Variants in EYS observed in about 807,000 individuals in gnomAD.
EYS encodes EGF-like photoreceptor maintenance factor.
A neutral mutation model predicts 282.1 loss-of-function variants in EYS; 250 were observed. The ratio of observed to expected loss-of-function variants is 0.89; its 90% CI spans 0.80 to 0.98. The LOEUF is 0.98. EYS is among the 50% of genes least tolerant of loss of function. EYS has a pLI of 0.00. For synonymous variants in EYS, 1,355 were observed against 1,282.9 expected (o/e 1.06, Z -1.20); for missense variants, 4,016 against 3,709.0 (o/e 1.08, Z -2.15).
At chr6:65,583,734 T>G (rs1764945363) in intron 2 of EYS, among the ~76,000 whole-genome samples, 1 of 152,060 alleles carries the variant, frequency 6.6e-6, no homozygotes, top group Admixed American at 6.6e-5. Flanking sequence ...CAATTGGACC[T>G]TCCTATTATT....
intron 11 of EYS, among the ~76,000 whole-genome samples, chr6:65,334,623 TTTTG>T (rs1313107345): frequency 6.6e-6 from 1 of 151,780 alleles, no homozygotes; most frequent in Non-Finnish European, 1.5e-5. Context: ...GCATATGAGT[TTTTG>T]TTTGTTTTGT....
At chr6:64,553,840 G>T (rs140209850) in intron 26 of EYS, among the ~76,000 whole-genome samples, 51 of 152,074 alleles carry the variant, frequency 3.4e-4, no homozygotes, top group African/African-American at 1.2e-3. Context: ...TGGCAAAATA[G>T]TATCATTTTC....
intron 12 of EYS, among the ~76,000 whole-genome samples, chr6:65,290,493 A>T (rs1195904133): frequency 6.6e-6 from 1 of 151,248 alleles, no homozygotes; most frequent in African/African-American, 2.4e-5. Context: ...TATACTTTTA[A>T]ATGTGAATAT....
intron 14 of EYS, among the ~76,000 whole-genome samples, chr6:64,978,391 C>T (rs1256109883): frequency 6.6e-6 from 1 of 151,904 alleles, no homozygotes; most frequent in Non-Finnish European, 1.5e-5. Context: ...ACTCTTTAGA[C>T]CTACTGACCA....
chr6:64,344,609 A>T (rs902185216), intron 29 of EYS, among the ~76,000 whole-genome samples: 18 of 152,132 alleles, frequency 1.2e-4, no homozygotes, highest in African/African-American at 4.3e-4. Flanking sequence ...ATGGACAAAA[A>T]CTGGAAACAT....
intron 33 of EYS, among the ~76,000 whole-genome samples, chr6:64,058,927 T>TCTTC (rs34348977): frequency 0.4 from 61,209 of 151,676 alleles, 14,201 homozygotes; most frequent in African/African-American, 0.66. Flanking sequence ...AAATCTGGAG[T>TCTTC]CTTAGCATAC....
At chr6:64,835,007 T>C (rs1375373437) in intron 19 of EYS, among the ~76,000 whole-genome samples, 1 of 151,726 alleles carries the variant, frequency 6.6e-6, no homozygotes. Flanking sequence ...ATGTGTGTTA[T>C]GCAGAAATAA....
At chr6:64,668,656 C>T (rs535949354) in intron 22 of EYS, among the ~76,000 whole-genome samples, 1 of 147,074 alleles carries the variant, frequency 6.8e-6, no homozygotes, top group South Asian at 2.2e-4. Flanking sequence ...GCTCGGCCTT[C>T]TGGGTTCACA....
intron 26 of EYS, among the ~76,000 whole-genome samples, chr6:64,550,908 C>T (rs1055562835): frequency 3.2e-4 from 48 of 152,078 alleles, no homozygotes; most frequent in African/African-American, 9.9e-4. Flanking sequence ...TTACAAGGGA[C>T]GTGAAGGATC....
chr6:65,493,784 AT>A (rs1325590683), intron 4 of EYS, among the ~76,000 whole-genome samples: 1 of 152,148 alleles, frequency 6.6e-6, no homozygotes. Flanking sequence ...ACCGTTATTA[AT>A]TATAACATCT....
At chr6:63,898,202 G>A (rs1162173691) in intron 35 of EYS, among the ~76,000 whole-genome samples, 1 of 152,116 alleles carries the variant, frequency 6.6e-6, no homozygotes, top group Non-Finnish European at 1.5e-5. Context: ...AATATTTTGA[G>A]TATTGGCTGG....
chr6:64,149,157 G>C (rs1392459520), intron 31 of EYS, among the ~76,000 whole-genome samples: 1 of 152,108 alleles, frequency 6.6e-6, no homozygotes, highest in Non-Finnish European at 1.5e-5. Flanking sequence ...AATCATAACT[G>C]GTGAAATCAT....
chr6:64,238,037 T>G (rs1417193777), intron 30 of EYS, among the ~76,000 whole-genome samples: 1 of 152,188 alleles, frequency 6.6e-6, no homozygotes, highest in Non-Finnish European at 1.5e-5. Context: ...CTTAATAAGT[T>G]TAGTAAGATT....
rs1200302625 is a variant in EYS at position 63,864,179 on chromosome 6, C to G, written c.7228+7G>C. 2 of 1,462,524 alleles carry G rather than the reference C, an allele frequency of 1.4e-6. No homozygotes were observed. The highest frequency in any genetic ancestry group is 5.1e-5 in the East Asian group (2 of 39,436). 90.6% of individuals were successfully genotyped at this position (1,462,524 alleles called of 1,614,324 possible). On this transcript the variant is annotated splice_region_variant and intron_variant, in intron 36 of 42. Coordinates refer to ENST00000503581, the MANE Select transcript of EYS (RefSeq NM_001142800.2). ...GTGCTCCATGTTTAATAATCAAATGCTCTTACCATCAGTGCAGAGGGGTCC... is the reference window on the plus strand; with the variant it reads ...GTGCTCCATGTTTAATAATCAAATGGTCTTACCATCAGTGCAGAGGGGTCC...
At chr6:64,778,998 T>G (rs1773773356) in intron 22 of EYS, among the ~76,000 whole-genome samples, 1 of 152,132 alleles carries the variant, frequency 6.6e-6, no homozygotes, top group East Asian at 1.9e-4. Context: ...CACCAAATAC[T>G]GGCAAGTATG....
At chr6:64,557,217 T>TACACACACACACACACAC (rs3994994) in intron 26 of EYS, among the ~76,000 whole-genome samples, 1 of 147,922 alleles carries the variant, frequency 6.8e-6, no homozygotes, top group Admixed American at 6.8e-5. Flanking sequence ...CACACACACA[T>TACACACACACACACACAC]ACACACACAC....
chr6:65,004,256 C>T lies in EYS; in HGVS notation c.2138-6553G>A, dbSNP rs533637125. 2.0e-4 allele frequency among the ~76,000 whole-genome samples: 29 copies of T among 147,592 alleles called. 2 individuals carry two copies. The South Asian group carries it at 4.4e-3, about 22-fold the overall frequency. On this transcript the variant is annotated intron_variant, in intron 13 of 42. Coordinates refer to ENST00000503581, the MANE Select transcript of EYS (RefSeq NM_001142800.2). ...TCACATTTCATTAGATTTCCTCATT[C>T]GCTGCACTTGTGACTCACAAAAATA...
chr6:64,027,865 G>A (rs1439150631), intron 33 of EYS, among the ~76,000 whole-genome samples: 4 of 152,234 alleles, frequency 2.6e-5, no homozygotes, highest in East Asian at 1.9e-4. Context: ...ACTGAGCCCC[G>A]GGTATGTTTA....
At chr6:64,455,378 C>A (rs1775521520) in intron 26 of EYS, among the ~76,000 whole-genome samples, 1 of 152,014 alleles carries the variant, frequency 6.6e-6, no homozygotes, top group South Asian at 2.1e-4. Flanking sequence ...TTTGATTTTT[C>A]ATGTAAGACT....
Sources: allele counts gnomAD v4.1 joint callset (sites outside exome capture counted in the v4.1 genomes callset), GRCh38; gene constraint gnomAD v4.1.1; transcripts MANE v1.5; gene names NCBI Gene and HGNC (gene_info 2026-07-23, HGNC 2026-07-21).